The following CDH13 variants were observed in gnomAD, a reference collection of about 807,000 sequenced individuals.
CDH13 encodes cadherin-13.
A neutral mutation model predicts 63.8 loss-of-function variants in CDH13; 24 were observed. The observed-to-expected ratio is 0.38, with a 90% CI of 0.27 to 0.53. The LOEUF (loss-of-function observed/expected upper bound fraction) is 0.53. CDH13 is among the 20% of genes least tolerant of loss of function. The pLI is 0.85. For missense variants in CDH13, 1,049 were observed against 903.1 expected, an observed-to-expected ratio of 1.16 and a Z score of -2.07; for synonymous variants, 503 against 355.3, an observed-to-expected ratio of 1.42 and a Z score of -4.67.
intron 6 of CDH13, among the ~76,000 whole-genome samples, chr16:83,354,663 G>C (rs1056413065): frequency 1.3e-5 from 2 of 152,212 alleles, no homozygotes; most frequent in African/African-American, 4.8e-5. Flanking sequence ...ACCAAGTAAA[G>C]GCATGGAGAA....
chr16:83,285,885 G>A (rs964427240), intron 5 of CDH13, among the ~76,000 whole-genome samples: 2 of 152,192 alleles, frequency 1.3e-5, no homozygotes, highest in African/African-American at 2.4e-5. Context: ...ATTGTGGCCA[G>A]GCATCACAGA....
chr16:83,484,859 A>C (rs796661816), intron 6 of CDH13, among the ~76,000 whole-genome samples: 3 of 152,334 alleles, frequency 2.0e-5, no homozygotes, highest in African/African-American at 7.2e-5. Context: ...ATTTCACATC[A>C]GTTTCTGTAT....
Position 83,412,361 on chromosome 16 carries a change from C to G in CDH13, c.781+67355C>G, listed in dbSNP as rs561741257. Reference sequence around the variant, plus strand: ...TCTGCAGGCTCAGCTACTTGGGATGCTGAGGCAGGAGAATCGCTTGAACCT... The same window carrying G: ...TCTGCAGGCTCAGCTACTTGGGATGGTGAGGCAGGAGAATCGCTTGAACCT... On this transcript the variant is annotated intron_variant, in intron 6 of 13. Coordinates refer to ENST00000567109, the MANE Select transcript of CDH13 (RefSeq NM_001257.5). Among the ~76,000 whole-genome samples the G allele has an allele frequency of 2.0e-5, 3 of 152,246 alleles. No individual in the cohort carries two copies. In the South Asian group the frequency reaches 6.2e-4, roughly 32 times the overall value.
intron 7 of CDH13, among the ~76,000 whole-genome samples, chr16:83,580,985 A>T (rs1355746671): frequency 6.6e-6 from 1 of 152,234 alleles, no homozygotes; most frequent in African/African-American, 2.4e-5. Flanking sequence ...TTTATAAAAG[A>T]AAGAAAGATG....
chr16:83,354,919 A>C (rs1168998951), intron 6 of CDH13, among the ~76,000 whole-genome samples: 1 of 152,228 alleles, frequency 6.6e-6, no homozygotes, highest in Admixed American at 6.5e-5. Flanking sequence ...CTTTCGCACC[A>C]TATTGGTAGA....
intron 8 of CDH13, among the ~76,000 whole-genome samples, chr16:83,613,189 A>G (rs370171721): frequency 6.6e-6 from 1 of 152,166 alleles, no homozygotes; most frequent in African/African-American, 2.4e-5. Context: ...ATTGAAAGAA[A>G]CGTGTCTCTT....
chr16:83,256,323 A>G (rs1174038129), intron 5 of CDH13, among the ~76,000 whole-genome samples: 2 of 152,144 alleles, frequency 1.3e-5, no homozygotes, highest in African/African-American at 4.8e-5. Flanking sequence ...ATGTACCACT[A>G]CACTTGGCCC....
intron 1 of CDH13, among the ~76,000 whole-genome samples, chr16:82,822,255 A>T (rs2038038628): frequency 6.6e-6 from 1 of 152,172 alleles, no homozygotes; most frequent in Non-Finnish European, 1.5e-5. Flanking sequence ...AGGTTGAATA[A>T]ACAATGGAAT....
At chr16:83,063,271 G>A (rs1431341600) in intron 3 of CDH13, among the ~76,000 whole-genome samples, 2 of 152,176 alleles carry the variant, frequency 1.3e-5, no homozygotes, top group East Asian at 3.9e-4. Flanking sequence ...CTGGTGGTTG[G>A]CTTTTAAAGG....
intron 3 of CDH13, among the ~76,000 whole-genome samples, chr16:83,100,740 T>C (rs1464363076): frequency 6.6e-6 from 1 of 152,232 alleles, no homozygotes; most frequent in African/African-American, 2.4e-5. Context: ...GACTTGACCA[T>C]ATGTTCGTGC....
intron 1 of CDH13, among the ~76,000 whole-genome samples, chr16:82,683,845 T>G (rs1017675461): frequency 6.6e-6 from 1 of 152,248 alleles, no homozygotes; most frequent in African/African-American, 2.4e-5. Flanking sequence ...GACATTATAT[T>G]ACATATTATT....
intron 2 of CDH13, among the ~76,000 whole-genome samples, chr16:82,924,355 T>C (rs1053277896): frequency 6.6e-6 from 1 of 152,136 alleles, no homozygotes; most frequent in Non-Finnish European, 1.5e-5. Context: ...GTCAACATAA[T>C]GTTAAAACAA....
Position 83,109,060 on chromosome 16 carries a change from G to A in CDH13, c.367-16325G>A, listed in dbSNP as rs183972276. On this transcript the variant is annotated intron_variant, in intron 3 of 13. Transcript: ENST00000567109. ...ATCCTCAATCTTAGGGTCTGCTCCT[G>A]GGGAGCACAGACTAAGAGTATTGAG... Among the ~76,000 whole-genome samples the A allele has an allele frequency of 9.0e-4, 137 of 152,280 alleles. 1 individual carries two copies. Among genetic ancestry groups the A allele is most frequent in the South Asian group, 5.8e-3 (28 of 4,820 alleles).
chr16:83,040,148 C>T (rs1410453920), intron 3 of CDH13, among the ~76,000 whole-genome samples: 1 of 151,926 alleles, frequency 6.6e-6, no homozygotes, highest in Non-Finnish European at 1.5e-5. Context: ...GCTGCATTTA[C>T]TACCTCTGCT....
At position 83,741,488 on chromosome 16, in the gene CDH13, G is replaced by GTGTA. The variant is rs138398661; in HGVS notation, c.1539-6619_1539-6618insGTAT. On this transcript the variant is annotated intron_variant, in intron 10 of 13. Transcript: ENST00000567109. Reference sequence around the variant, plus strand: ...TATCCTACTATATATATGTGTGTGTGTATATATATATATGTGTGTGTGTGT... The same window carrying GTGTA: ...TATCCTACTATATATATGTGTGTGTGTGTATATATATATATATGTGTGTGTGTGT... 1.5e-4 allele frequency among the ~76,000 whole-genome samples: 21 copies of GTGTA among 144,786 alleles called. No homozygotes were observed. The East Asian group carries it at 2.0e-3, about 13-fold the overall frequency. The allele number at this position is 144,786 out of a possible 152,430, so 95.0% of individuals were successfully genotyped here. A position where few individuals can be genotyped will look rare whatever the true frequency, so the allele number is the denominator to read the frequency against.
At chr16:83,743,640 ATGC>A (rs1262052664) in intron 10 of CDH13, among the ~76,000 whole-genome samples, 1 of 151,956 alleles carries the variant, frequency 6.6e-6, no homozygotes, top group Non-Finnish European at 1.5e-5. Flanking sequence ...AGGCAATAGA[ATGC>A]GGTTCATTTA....
intron 4 of CDH13, 103 bp from the exon 5 acceptor site, chr16:83,217,242 G>A: frequency 8.9e-7 from 1 of 1,128,816 alleles, no homozygotes; most frequent in South Asian, 1.3e-5. Flanking sequence ...GTACCCATGT[G>A]CTGGCACCTG....
At chr16:83,311,340 T>G (rs1028063089) in intron 5 of CDH13, among the ~76,000 whole-genome samples, 16 of 152,134 alleles carry the variant, frequency 1.1e-4, no homozygotes, top group African/African-American at 3.9e-4. Flanking sequence ...AAAAAAAAAA[T>G]TAAAAAGTAA....
At chr16:83,027,825 TG>T (rs1290075126) in intron 2 of CDH13, among the ~76,000 whole-genome samples, 2 of 152,206 alleles carry the variant, frequency 1.3e-5, no homozygotes, top group Non-Finnish European at 2.9e-5. Context: ...CGCAGGACTT[TG>T]CATATGTTAT....
Sources: allele counts gnomAD v4.1 joint callset (sites outside exome capture counted in the v4.1 genomes callset), GRCh38; gene constraint gnomAD v4.1.1; transcripts MANE v1.5; gene names NCBI Gene and HGNC (gene_info 2026-07-23, HGNC 2026-07-21).